HOXA3: variants seen among roughly 807,000 people sequenced by gnomAD.
The protein encoded by HOXA3 is homeobox A3, also known as homeobox protein Hox-A3.
HOXA3 carries 8 observed loss-of-function variants against 30.3 expected under a neutral mutation model. The observed-to-expected ratio is 0.26, with a 90% CI of 0.15 to 0.48. The LOEUF (loss-of-function observed/expected upper bound fraction) is 0.48. HOXA3 is among the 20% of genes least tolerant of loss of function. The pLI is 0.99. For missense variants in HOXA3, 653 were observed against 614.4 expected, an observed-to-expected ratio of 1.06 and a Z score of -0.66; for synonymous variants, 323 against 273.1, an observed-to-expected ratio of 1.18 and a Z score of -1.80.
rs180802492 is a variant in HOXA3, at chr7:27,110,023, C to T, written c.526+92G>A. ...GGAGCAGTGAATTCCAGACATGCTCCATCGCTCCTAGGCTGTGCTGGATGT... is the reference window on the plus strand; with the variant it reads ...GGAGCAGTGAATTCCAGACATGCTCTATCGCTCCTAGGCTGTGCTGGATGT... On this transcript the variant is annotated intron_variant, in intron 5 of 5. Coordinates refer to ENST00000612286, the MANE Select transcript of HOXA3 (RefSeq NM_153631.3). The T allele has an allele frequency of 6.8e-6, 10 of 1,473,938 alleles. No individual in the cohort carries two copies. The Admixed American group carries it at 1.6e-4, about 23-fold the overall frequency. The allele number at this position is 1,473,938 out of a possible 1,614,324, so 91.3% of individuals were successfully genotyped here.
chr7:27,130,106 G>A (rs1785459125), intron 2 of HOXA3: 38 of 1,591,212 alleles, frequency 2.4e-5, no homozygotes, highest in Non-Finnish European at 3.2e-5. Flanking sequence ...CCTCCCAAGC[G>A]GCGCCACGTA....
intron 1 of HOXA3, chr7:27,142,773 G>T: frequency 2.3e-6 from 1 of 426,768 alleles, no homozygotes; most frequent in East Asian, 3.7e-5. Flanking sequence ...GCGTCCCAAG[G>T]CGTGGGGTTC....
rs780897021 is a variant in HOXA3 at position 27,108,659 on chromosome 7, C to G, written c.588G>C (p.Thr196=). The part of the protein sequence containing the change: ...PGQASSKRAR[T]AYTSAQLVEL... ...CCACCAGCTGCGCGCTCGTGTAGGCCGTGCGCGCGCGCTTGGACGAAGCCT... is the reference window on the plus strand; with the variant it reads ...CCACCAGCTGCGCGCTCGTGTAGGCGGTGCGCGCGCGCTTGGACGAAGCCT... Residue 196 remains threonine (T), a synonymous_variant, in exon 6 of 6, where the codon ACG becomes ACC. Coordinates refer to ENST00000612286, the MANE Select transcript of HOXA3 (RefSeq NM_153631.3). The surrounding 1 kb of genome is among the most constrained non-coding windows in gnomAD (Gnocchi z 5.0). 1 of 1,613,552 alleles carries G rather than the reference C, an allele frequency of 6.2e-7. No homozygotes were observed. The highest frequency in any genetic ancestry group is 8.5e-7 in the Non-Finnish European group (1 of 1,179,706).
In HOXA3 at chr7:27,113,662, C is replaced by G. The variant is rs7798733; in HGVS notation, c.-120-2902G>C. The G allele has an allele frequency of 0.15, 22,603 of 152,264 alleles. 2,134 individuals are homozygous for G. Among genetic ancestry groups the G allele is most frequent in the African/African-American group, 0.26 (10,604 of 41,514 alleles). The allele number at this position is 152,264 out of a possible 1,614,324, so 9.4% of individuals were successfully genotyped here. On this transcript the variant is annotated intron_variant, in intron 4 of 5. Coordinates refer to ENST00000612286, the MANE Select transcript of HOXA3 (RefSeq NM_153631.3). This position sits in a 1 kb window ranked among gnomAD's most constrained non-coding sequence, Gnocchi z 4.8. The stretch of plus-strand genomic sequence containing the variant: ...CGAGCGCAGGCTCGGGCTCAGGCTC[C>G]GACACGGGCTCTGGCCCCCGGCCTG...
In HOXA3 at chr7:27,152,347, G is replaced by A. The variant is rs775842908; in HGVS notation, c.-553C>T. On this transcript the variant is annotated 5_prime_UTR_variant, in exon 1 of 6. Transcript: ENST00000612286. ...CTGACAGCTGTCGCTTGGGCAGCCC[G>A]AGAGAAGAATTGTCCTCTTTCCTGG... 8.0e-7 allele frequency: 1 copy of A among 1,243,674 alleles called. No homozygotes were observed. The highest frequency in any genetic ancestry group is 1.6e-5 in the African/African-American group (1 of 63,350). The allele number at this position is 1,243,674 out of a possible 1,614,324, so 77.0% of individuals were successfully genotyped here. A position where few individuals can be genotyped will look rare whatever the true frequency, so the allele number is the denominator to read the frequency against.
intron 2 of HOXA3, chr7:27,129,139 A>G: frequency 1.2e-6 from 1 of 853,714 alleles, no homozygotes; most frequent in Non-Finnish European, 2.0e-6. Flanking sequence ...TATGGTCCAG[A>G]TGGGGAGGGG....
intron 5 of HOXA3, chr7:27,109,901 A>T (rs1249551288): frequency 3.3e-6 from 2 of 606,562 alleles, no homozygotes; most frequent in African/African-American, 1.9e-5. Flanking sequence ...GTCCAGAGGG[A>T]CTCCCAGCAG....
At chr7:27,123,022 C>T (rs1181069230) in intron 3 of HOXA3, 3 of 152,200 alleles carry the variant, frequency 2.0e-5, no homozygotes, top group African/African-American at 7.2e-5. Flanking sequence ...TCTCCTCAGG[C>T]ACCACAACTT....
chr7:27,147,240 T>A lies in HOXA3; in HGVS notation c.-494+5048A>T. 4 of 1,398,924 alleles carry A rather than the reference T, an allele frequency of 2.9e-6. No homozygotes were observed. The South Asian group carries it at 5.1e-5, about 18-fold the overall frequency. 86.7% of individuals were successfully genotyped at this position (1,398,924 alleles called of 1,614,324 possible). A position where few individuals can be genotyped will look rare whatever the true frequency, so the allele number is the denominator to read the frequency against. On this transcript the variant is annotated intron_variant, in intron 1 of 5. Coordinates refer to ENST00000612286, the MANE Select transcript of HOXA3 (RefSeq NM_153631.3). ...TCTCTATTCCTCTTTCTACTCTGTT[T>A]CCTCCTTCTTTCTTTCTTTTCCTGC...
Position 27,109,531 on chromosome 7 carries a change from G to A in HOXA3, c.526+584C>T, listed in dbSNP as rs913837472. ...CCTCTACTGGAGCCCGCTTTCAGGA[G>A]GCCCATGTGGTTCCCATTAGGATGA... On this transcript the variant is annotated intron_variant, in intron 5 of 5. Transcript: ENST00000612286. Among the ~76,000 whole-genome samples the A allele has an allele frequency of 6.6e-5, 10 of 152,220 alleles. No homozygotes were observed. In the East Asian group the frequency reaches 7.7e-4, roughly 12 times the overall value.
rs1387967409 is a variant in HOXA3, at chr7:27,126,324, G to A, written c.-205+562C>T. Among the ~76,000 whole-genome samples, 4 of 152,234 alleles carry A rather than the reference G, an allele frequency of 2.6e-5. No homozygotes were observed. In the East Asian group the frequency reaches 5.8e-4, roughly 22 times the overall value. ...CTAAAGCAGATGAGTGTGTATTGGA[G>A]GGAGGGAGAAAGAGAGAAAAGGAGA... On this transcript the variant is annotated intron_variant, in intron 3 of 5. Transcript: ENST00000612286.
chr7:27,110,264 G>C lies in HOXA3; in HGVS notation c.377C>G (p.Ser126Cys). 6.2e-7 allele frequency: 1 copy of C among 1,612,806 alleles called. No homozygotes were observed. The highest frequency in any genetic ancestry group is 8.5e-7 in the Non-Finnish European group (1 of 1,179,434). ...GTTGTTGCTGGCATTCTGAGGAGGGGAGGCAGAAGAGGGAGGCGGGGGCGC... is the reference window on the plus strand; with the variant it reads ...GTTGTTGCTGGCATTCTGAGGAGGGCAGGCAGAAGAGGGAGGCGGGGGCGC... ...PAAPPPPSSA[S>C]PPQNASNNPT... The change falls in exon 5 of 6, where the codon TCC (serine) becomes TGC (cysteine). Residue 126 changes from serine (S) to cysteine (C), a missense_variant. Physicochemically the swap from Ser to Cys is moderately radical, Grantham distance 112. This residue lies in a region of HOXA3 where 320 missense variants were observed against 321.9 expected (regional missense o/e 0.99). Transcript: ENST00000612286.
At position 27,130,618 on chromosome 7, in the gene HOXA3, C is replaced by A. The variant is rs757314891; in HGVS notation, c.-389-3548G>T. ...CGCTGGGGGCTGCTGGTAGCCGGGG[C>A]CCCCGCCCGGGCCGCCGTCTGCGCC... is the stretch of plus-strand genomic sequence containing the variant. On this transcript the variant is annotated intron_variant, in intron 2 of 5. Transcript: ENST00000612286. 6.4e-7 allele frequency: 1 copy of A among 1,555,764 alleles called. No homozygotes were observed. The highest frequency in any genetic ancestry group is 8.7e-7 in the Non-Finnish European group (1 of 1,149,786).
At chr7:27,151,336 C>T (rs1270197987) in intron 1 of HOXA3, 1 of 324,046 alleles carries the variant, frequency 3.1e-6, no homozygotes, top group Non-Finnish European at 6.1e-6. Flanking sequence ...GCACGCTCTG[C>T]GCTTCCTCCC....
intron 2 of HOXA3, chr7:27,129,420 C>A: frequency 1.2e-6 from 2 of 1,614,162 alleles, no homozygotes; most frequent in Non-Finnish European, 8.5e-7. Flanking sequence ...TGACCTGGCG[C>A]TCAGACAAAC....
chr7:27,143,553 A>G (rs772948884), intron 1 of HOXA3: 1 of 1,608,110 alleles, frequency 6.2e-7, no homozygotes, highest in Admixed American at 1.7e-5. Context: ...TGCAACTGGT[A>G]GTCCGGGCCA....
At chr7:27,131,178 C>G (rs1440174562) in intron 2 of HOXA3, among the ~76,000 whole-genome samples, 1 of 152,202 alleles carries the variant, frequency 6.6e-6, no homozygotes, top group Non-Finnish European at 1.5e-5. Context: ...AGGCCTCGGG[C>G]TGTCTGGCGG....
At chr7:27,150,575 G>A (rs561920198) in intron 1 of HOXA3, 3 of 152,678 alleles carry the variant, frequency 2.0e-5, no homozygotes, top group Non-Finnish European at 2.9e-5. Context: ...CCTCCTCAGA[G>A]CAGCCAGGCC....
chr7:27,130,545 C>T (rs1295725705), intron 2 of HOXA3: 3 of 1,380,470 alleles, frequency 2.2e-6, no homozygotes, highest in African/African-American at 1.5e-5. Context: ...GGCCGCCGCC[C>T]GCGTGAGGGA....
Sources: allele counts gnomAD v4.1 joint callset (sites outside exome capture counted in the v4.1 genomes callset), GRCh38; gene constraint gnomAD v4.1.1; regional missense constraint gnomAD v4.1.1; non-coding constraint Gnocchi (gnomAD v3.1); transcripts MANE v1.5; gene names NCBI Gene and HGNC (gene_info 2026-07-23, HGNC 2026-07-21).